Variants in USPL1 observed in about 807,000 individuals in gnomAD.
The protein encoded by USPL1 is SUMO-specific isopeptidase USPL1.
A neutral mutation model predicts 51.5 loss-of-function variants in USPL1; 27 were observed. That is an observed-to-expected ratio of 0.52 (90% CI 0.39 to 0.72). The LOEUF is 0.72. Among genes scored for constraint, USPL1 ranks in the 30% least tolerant of loss-of-function variants. The pLI, the probability that USPL1 is intolerant of heterozygous loss-of-function variation, is 0.00. For synonymous variants in USPL1, 451 were observed against 459.6 expected (o/e 0.98, Z 0.24); for missense variants, 1,226 against 1,268.0 (o/e 0.97, Z 0.50).
chr13:30,647,183 TG>T, intron 7 of USPL1, 126 bp downstream of exon 7: 4 of 1,138,826 alleles, frequency 3.5e-6, no homozygotes, highest in Non-Finnish European at 4.9e-6. Context: ...CATATATTTC[TG>T]GGTTGCCAGC....
chr13:30,643,444 G>C (rs1950974564), intron 6 of USPL1, among the ~76,000 whole-genome samples: 1 of 152,162 alleles, frequency 6.6e-6, no homozygotes, highest in Non-Finnish European at 1.5e-5. Flanking sequence ...GAGAGGAATA[G>C]GTTTTAGAAG....
intron 8 of USPL1, among the ~76,000 whole-genome samples, chr13:30,654,491 C>T (rs1951133972): frequency 6.6e-6 from 1 of 152,044 alleles, no homozygotes; most frequent in Non-Finnish European, 1.5e-5. Flanking sequence ...CCTCAGCTTC[C>T]TGAGTAGCTA....
rs1423121887 is a variant in USPL1 at position 30,659,262 on chromosome 13, T to G, written c.3185T>G (p.Phe1062Cys). ...NLESPMKTDI[F>C]DEFFSSSALN... ...GAGAGTCCGATGAAGACTGATATTT[T>G]CGATGAGTTTTTTTCCTCCTCAGCA... The change falls in exon 9 of 9, where the codon TTC becomes TGC. Residue 1062 changes from phenylalanine to cysteine, a missense_variant. Physicochemically the swap from Phe to Cys is radical, Grantham distance 205 (BLOSUM62 -2). Transcript: ENST00000255304. 3.1e-6 allele frequency: 5 copies of G among 1,614,206 alleles called. No homozygotes were observed. The highest frequency in any genetic ancestry group is 4.2e-6 in the Non-Finnish European group (5 of 1,180,026).
At chr13:30,638,693 C>T (rs908961698) in intron 5 of USPL1, among the ~76,000 whole-genome samples, 2 of 151,414 alleles carry the variant, frequency 1.3e-5, no homozygotes, top group African/African-American at 4.9e-5. Context: ...TATGATACTC[C>T]CTATTAGTAA....
At chr13:30,653,454 C>T (rs951532451) in intron 8 of USPL1, 149 bp downstream of exon 8, 1 of 749,582 alleles carries the variant, frequency 1.3e-6, no homozygotes. Flanking sequence ...TCTGCCCCTC[C>T]TCGCATCTAT....
At chr13:30,654,156 A>G (rs1163933827) in intron 8 of USPL1, among the ~76,000 whole-genome samples, 2 of 152,206 alleles carry the variant, frequency 1.3e-5, no homozygotes, top group African/African-American at 4.8e-5. Flanking sequence ...AGAATGATCA[A>G]TCCACTTCAG....
intron 6 of USPL1, among the ~76,000 whole-genome samples, chr13:30,645,292 C>T (rs569067078): frequency 1.3e-5 from 2 of 152,302 alleles, no homozygotes; most frequent in East Asian, 3.9e-4. Flanking sequence ...AACTCAGGCA[C>T]TGGAAATAGT....
intron 8 of USPL1, among the ~76,000 whole-genome samples, chr13:30,653,829 G>A (rs1951123734): frequency 6.6e-6 from 1 of 152,128 alleles, no homozygotes; most frequent in Non-Finnish European, 1.5e-5. Flanking sequence ...AAAATATTGA[G>A]TTTGTTTTTC....
At chr13:30,625,506 T>C (rs1328676585) in intron 3 of USPL1, among the ~76,000 whole-genome samples, 3 of 146,736 alleles carry the variant, frequency 2.0e-5, no homozygotes, top group Admixed American at 1.4e-4. Flanking sequence ...AGTGCAGTGG[T>C]GCGATCTCGG....
chr13:30,639,226 A>G (rs1459024529), intron 5 of USPL1, among the ~76,000 whole-genome samples: 7 of 51,760 alleles, frequency 1.4e-4, no homozygotes, highest in African/African-American at 8.4e-4. Flanking sequence ...AAAAATGTAT[A>G]TATATATATA....
chr13:30,624,719 A>AACCACACCC (rs1287681595), intron 3 of USPL1, among the ~76,000 whole-genome samples: 1 of 152,254 alleles, frequency 6.6e-6, no homozygotes, highest in Admixed American at 6.5e-5. Context: ...ACTCTGCAAA[A>AACCACACCC]ACCACACCCT....
intron 5 of USPL1, among the ~76,000 whole-genome samples, chr13:30,642,007 A>G (rs1209117038): frequency 6.6e-6 from 1 of 152,124 alleles, no homozygotes; most frequent in African/African-American, 2.4e-5. Flanking sequence ...CCTGGGCTCA[A>G]ATGAGCCTCC....
At position 30,657,995 on chromosome 13, in the gene USPL1, T is replaced by C. The variant is rs756241568; in HGVS notation, c.1918T>C (p.Cys640Arg). 6.2e-7 allele frequency: 1 copy of C among 1,613,498 alleles called. No homozygotes were observed. Among genetic ancestry groups the C allele is most frequent in the Admixed American group, 1.7e-5 (1 of 60,006 alleles). Residue 640 changes from cysteine (C) to arginine (R), a missense_variant, in exon 9 of 9, where the codon TGT (cysteine) becomes CGT (arginine). Transcript: ENST00000255304. ...AATGGCTTCTTCAGTATCAGCTCCA[T>C]GTAATGAAAAGCTTATTCAAGACCA... ...SLMASSVSAPCNEKLIQDQFV... is the reference protein window; with the variant it reads ...SLMASSVSAPRNEKLIQDQFV...
In USPL1 at chr13:30,660,402, AG is replaced by A. The variant is rs2137746373; in HGVS notation, c.*1047del. On this transcript the variant is annotated 3_prime_UTR_variant, in exon 9 of 9. Coordinates refer to ENST00000255304, the MANE Select transcript of USPL1 (RefSeq NM_005800.5). ...GAGCCTGCAAAAGCAGGCCCCCAAA[AG>A]TGCAGGGATGCCTGAGTCTGCACCC... 6.6e-6 allele frequency: 1 copy of A among 152,388 alleles called. No homozygotes were observed. The highest frequency in any genetic ancestry group is 2.1e-4 in the South Asian group (1 of 4,830). 9.4% of individuals were successfully genotyped at this position (152,388 alleles called of 1,614,324 possible).
At chr13:30,627,163 T>A (rs1950728039) in intron 3 of USPL1, among the ~76,000 whole-genome samples, 1 of 152,052 alleles carries the variant, frequency 6.6e-6, no homozygotes, top group Admixed American at 6.6e-5. Context: ...TGGGCTAAAA[T>A]ACTAATGCTT....
chr13:30,653,141 C>T lies in USPL1; in HGVS notation c.1239-7C>T, dbSNP rs1490191288. ...TATTTAACTTCTCTTGCTTTTCTCT[C>T]CCACAGAGTATCTCCCATATTCATG... On this transcript the variant is annotated splice_polypyrimidine_tract_variant and splice_region_variant and intron_variant, in intron 7 of 8. Transcript: ENST00000255304. 4 of 1,570,028 alleles carry T rather than the reference C, an allele frequency of 2.5e-6. No homozygotes were observed. In the South Asian group the frequency reaches 4.7e-5, roughly 18 times the overall value.
chr13:30,631,923 A>G (rs1950811409), intron 4 of USPL1, among the ~76,000 whole-genome samples: 1 of 151,788 alleles, frequency 6.6e-6, no homozygotes, highest in Non-Finnish European at 1.5e-5. Context: ...GAAGCTTGAG[A>G]TAATACCAGT....
rs778233336 is a variant in USPL1 at position 30,657,825 on chromosome 13, T to A, written c.1748T>A (p.Ile583Asn). The A allele has an allele frequency of 6.2e-7, 1 of 1,613,996 alleles. No individual in the cohort carries two copies. Among genetic ancestry groups the A allele is most frequent in the Non-Finnish European group, 8.5e-7 (1 of 1,180,036 alleles). The change falls in exon 9 of 9, where the codon ATT (isoleucine) becomes AAT (asparagine). Residue 583 changes from isoleucine to asparagine, a missense_variant. Ile to Asn is a moderately radical substitution (Grantham distance 149). Transcript: ENST00000255304. Reference sequence around the variant, plus strand: ...GGTCCAAAAGGTTTGGTTGACAATATTTTACCTCTGACACTTGAAGAAACT... The same window carrying A: ...GGTCCAAAAGGTTTGGTTGACAATAATTTACCTCTGACACTTGAAGAAACT... ...LSGPKGLVDN[I>N]LPLTLEETIQ...
intron 5 of USPL1, among the ~76,000 whole-genome samples, chr13:30,639,242 A>ATATATGTGTG (rs1555248444): frequency 7.6e-6 from 1 of 131,654 alleles, no homozygotes; most frequent in African/African-American, 3.0e-5. Flanking sequence ...ATATATATAT[A>ATATATGTGTG]TATGTGTGTA....
Sources: gnomAD v4.1 joint callset for allele counts (sites outside exome capture counted in the v4.1 genomes callset) on GRCh38, gnomAD v4.1.1 for gene constraint, MANE v1.5 for transcripts, NCBI Gene and HGNC (gene_info 2026-07-23, HGNC 2026-07-21) for gene names.